The following STK33 variants were observed in gnomAD, a reference collection of about 807,000 sequenced individuals.
STK33 encodes the protein serine/threonine kinase 33, also known as serine/threonine-protein kinase 33.
In STK33, 52 loss-of-function variants were observed where a neutral mutation model predicts 58.0. The ratio of observed to expected loss-of-function variants is 0.90; its 90% CI spans 0.72 to 1.13. STK33 has a LOEUF of 1.13. Ranked by LOEUF, STK33 falls within the 50% of genes most tolerant of loss-of-function variation. The pLI is 0.00. For missense variants in STK33, 630 were observed against 604.2 expected, an observed-to-expected ratio of 1.04 and a Z score of -0.45; for synonymous variants, 215 against 200.1, an observed-to-expected ratio of 1.07 and a Z score of -0.63.
intron 8 of STK33, among the ~76,000 whole-genome samples, chr11:8,458,629 T>A (rs1947161288): frequency 6.6e-6 from 1 of 152,108 alleles, no homozygotes; most frequent in Non-Finnish European, 1.5e-5. Context: ...AAATGCCTCT[T>A]CCATATTTGC....
chr11:8,447,331 A>C (rs1945624598), intron 11 of STK33, among the ~76,000 whole-genome samples: 1 of 152,160 alleles, frequency 6.6e-6, no homozygotes, highest in Non-Finnish European at 1.5e-5. Context: ...GAGACACAAC[A>C]AAAAAAGAGA....
At chr11:8,355,683 A>G in the STK33 span, among the ~76,000 whole-genome samples, 1 of 152,216 alleles carries the variant, frequency 6.6e-6, no homozygotes, top group Non-Finnish European at 1.5e-5. Flanking sequence ...TCTGCCACTT[A>G]CCAACAGGCC....
chr11:8,446,577 G>C (rs1310460385), intron 11 of STK33, among the ~76,000 whole-genome samples: 1 of 152,040 alleles, frequency 6.6e-6, no homozygotes, highest in African/African-American at 2.4e-5. Flanking sequence ...ATACTACAAG[G>C]CTACAGTAAC....
Position 8,469,648 on chromosome 11 carries a change from C to T in STK33, c.339+3515G>A, listed in dbSNP as rs1948582584. On this transcript the variant is annotated intron_variant, in intron 6 of 15. Transcript: ENST00000687296. ...GTTTTCAACTTAATCTGCCCAGATCCATCAGAGGAATCACTATCTGTGGCA... is the reference window on the plus strand; with the variant it reads ...GTTTTCAACTTAATCTGCCCAGATCTATCAGAGGAATCACTATCTGTGGCA... Among the ~76,000 whole-genome samples, 3 of 152,170 alleles carry T rather than the reference C, an allele frequency of 2.0e-5. No individual in the cohort carries two copies. The South Asian group carries it at 6.2e-4, about 32-fold the overall frequency.
At chr11:8,550,722 C>T (rs1956245146) in intron 1 of STK33, among the ~76,000 whole-genome samples, 1 of 152,126 alleles carries the variant, frequency 6.6e-6, no homozygotes, top group South Asian at 2.1e-4. Flanking sequence ...CATCTGAGAC[C>T]ACCTCAGCCT....
downstream of STK33, among the ~76,000 whole-genome samples, chr11:8,387,759 G>C (rs1009002216): frequency 6.6e-6 from 1 of 152,150 alleles, no homozygotes; most frequent in Non-Finnish European, 1.5e-5. Flanking sequence ...TCTTCCTCAG[G>C]GTCCAGTGAG....
At chr11:8,345,694 C>T in the STK33 span, among the ~76,000 whole-genome samples, 1 of 152,156 alleles carries the variant, frequency 6.6e-6, no homozygotes, top group African/African-American at 2.4e-5. Flanking sequence ...GTTTGAACTC[C>T]ATCAAGATGC....
intron 8 of STK33, among the ~76,000 whole-genome samples, chr11:8,461,440 T>G (rs1447251033): frequency 2.0e-5 from 3 of 152,178 alleles, no homozygotes; most frequent in Admixed American, 6.6e-5. Context: ...TGTAGTTAAC[T>G]TTGCAAAATT....
chr11:8,558,568 A>T (rs1295546845), intron 1 of STK33, among the ~76,000 whole-genome samples: 1 of 152,190 alleles, frequency 6.6e-6, no homozygotes, highest in East Asian at 1.9e-4. Context: ...GAATTAATCA[A>T]GGGTGCCAGA....
chr11:8,374,982 A>T, the STK33 span, among the ~76,000 whole-genome samples: 2 of 152,182 alleles, frequency 1.3e-5, no homozygotes, highest in African/African-American at 4.8e-5. Flanking sequence ...CCTATGAGGA[A>T]TTTTAACAGA....
chr11:8,553,763 G>A (rs1956534510), intron 1 of STK33, among the ~76,000 whole-genome samples: 1 of 152,076 alleles, frequency 6.6e-6, no homozygotes, highest in African/African-American at 2.4e-5. Context: ...GCAGAAGAAT[G>A]AAACTGCATC....
chr11:8,408,490 C>T (rs1213704859), intron 15 of STK33, among the ~76,000 whole-genome samples: 1 of 152,140 alleles, frequency 6.6e-6, no homozygotes, highest in African/African-American at 2.4e-5. Flanking sequence ...CAAAATATCC[C>T]CTTAGAACAA....
intron 15 of STK33, among the ~76,000 whole-genome samples, chr11:8,404,543 T>A (rs1168768709): frequency 2.0e-5 from 3 of 152,264 alleles, no homozygotes; most frequent in African/African-American, 7.2e-5. Flanking sequence ...CTCTTTTATA[T>A]CTGAGTTATT....
chr11:8,435,985 AC>A, intron 13 of STK33, 41 bp downstream of exon 13: 1 of 1,205,488 alleles, frequency 8.3e-7, no homozygotes, highest in Non-Finnish European at 1.1e-6. Context: ...TTCTTATGTT[AC>A]TTATATTAGC....
At chr11:8,364,211 C>T in the STK33 span, among the ~76,000 whole-genome samples, 1 of 152,232 alleles carries the variant, frequency 6.6e-6, no homozygotes, top group Non-Finnish European at 1.5e-5. Context: ...CAAATGGTGG[C>T]GACGTCGTCG....
intron 14 of STK33, among the ~76,000 whole-genome samples, chr11:8,421,072 A>G (rs934372290): frequency 2.6e-5 from 4 of 151,956 alleles, no homozygotes; most frequent in Non-Finnish European, 5.9e-5. Context: ...TTCCAGTACA[A>G]AAGCCTTTTC....
intron 15 of STK33, 102 bp from the exon 16 acceptor site, chr11:8,392,812 C>A: frequency 8.6e-7 from 1 of 1,165,020 alleles, no homozygotes; most frequent in South Asian, 1.4e-5. Context: ...CAAGTTGGAG[C>A]CCTCTCTAGA....
rs150240714 is a variant in STK33 at position 8,459,899 on chromosome 11, G to T, written c.558+1906C>A. ...AGCTGGGGGGGAAATATGCAAAAAG[G>T]GCAGAGGGAACAATCACTGGAGCTT... On this transcript the variant is annotated intron_variant, in intron 8 of 15. Transcript: ENST00000687296. Among the ~76,000 whole-genome samples the T allele has an allele frequency of 2.2e-3, 329 of 152,278 alleles. 7 individuals carry two copies. The East Asian group carries it at 0.055, about 25-fold the overall frequency.
rs546382843 is a variant in STK33, at chr11:8,436,688, C to A, written c.948-549G>T. 5.2e-4 allele frequency among the ~76,000 whole-genome samples: 79 copies of A among 152,162 alleles called. 1 individual carries two copies. The highest frequency in any genetic ancestry group is 1.8e-3 in the African/African-American group (75 of 41,550). Reference sequence around the variant, plus strand: ...AATAACAAAAATAAACCAAGACTAACCCCGGGAATTTCTTCTTTTTATTTT... The same window carrying A: ...AATAACAAAAATAAACCAAGACTAAACCCGGGAATTTCTTCTTTTTATTTT... On this transcript the variant is annotated intron_variant, in intron 12 of 15. Transcript: ENST00000687296.
Sources: allele counts gnomAD v4.1 joint callset (sites outside exome capture counted in the v4.1 genomes callset), GRCh38; gene constraint gnomAD v4.1.1; transcripts MANE v1.5; gene names NCBI Gene and HGNC (gene_info 2026-07-23, HGNC 2026-07-21).